Variants in MGAM2 observed in about 807,000 individuals in gnomAD.
MGAM2 encodes probable maltase-glucoamylase 2.
In MGAM2, 98 loss-of-function variants were observed where a neutral mutation model predicts 96.1. That is an observed-to-expected ratio of 1.02 (90% CI 0.87 to 1.21). The LOEUF (loss-of-function observed/expected upper bound fraction) is 1.21, where lower values mean the gene tolerates loss of function less well. Among genes scored for constraint, MGAM2 ranks in the 50% most tolerant of loss-of-function variants. The pLI, the probability that MGAM2 is intolerant of heterozygous loss-of-function variation, is 0.00. For synonymous variants in MGAM2, 749 were observed against 414.8 expected, an observed-to-expected ratio of 1.81 and a Z score of -9.79; for missense variants, 2,055 against 1,182.4, an observed-to-expected ratio of 1.74 and a Z score of -10.82.
In MGAM2 at chr7:142,138,652, A is replaced by G. The variant is rs1274740419; in HGVS notation, c.1071A>G (p.Leu357=). ...AAGAAGTTGTAAGCCGAAATCGTTT[A>G]GCTGAGATACCATATGTAAGTCGAA... ...KLKEVVSRNR[L]AEIPYDVQYS... The change falls in exon 10 of 48, where the codon TTA becomes TTG. Residue 357 remains leucine, a synonymous_variant. Transcript: ENST00000477922. 1.4e-6 allele frequency: 1 copy of G among 702,834 alleles called. No individual in the cohort carries two copies. The allele number at this position is 702,834 out of a possible 1,614,324, so 43.5% of individuals were successfully genotyped here.
chr7:142,119,373 A>C (rs61003910), intron 2 of MGAM2, among the ~76,000 whole-genome samples: 1 of 152,122 alleles, frequency 6.6e-6, no homozygotes, highest in East Asian at 1.9e-4. Context: ...ATAACATATC[A>C]CTTTCACACC....
chr7:142,199,777 ATTTCT>A (rs368874219), intron 44 of MGAM2, 98 bp from the exon 45 acceptor site: 8 of 502,602 alleles, frequency 1.6e-5, no homozygotes, highest in African/African-American at 3.9e-5. Flanking sequence ...TATTTAATAC[ATTTCT>A]TTTATTTCTA....
At chr7:142,112,352 C>G (rs1817202669) in intron 1 of MGAM2, among the ~76,000 whole-genome samples, 1 of 152,120 alleles carries the variant, frequency 6.6e-6, no homozygotes, top group Non-Finnish European at 1.5e-5. Flanking sequence ...GCTGAACCTG[C>G]TCCCTCAGGA....
chr7:142,130,828 T>C (rs1794861768), intron 3 of MGAM2, 120 bp from the exon 4 acceptor site: 1 of 590,884 alleles, frequency 1.7e-6, no homozygotes, highest in South Asian at 2.1e-5. Context: ...AATAAATTAA[T>C]GAATGTAATT....
intron 46 of MGAM2, among the ~76,000 whole-genome samples, chr7:142,212,028 G>A (rs183341947): frequency 4.6e-4 from 70 of 152,282 alleles, no homozygotes; most frequent in African/African-American, 1.6e-3. Flanking sequence ...GAGAATGGGG[G>A]CCAATATTCA....
chr7:142,140,182 GC>G (rs893013145), intron 10 of MGAM2, among the ~76,000 whole-genome samples: 5 of 152,120 alleles, frequency 3.3e-5, no homozygotes, highest in Admixed American at 6.5e-5. Flanking sequence ...GCCCTCATCA[GC>G]CCCCCTACCT....
intron 12 of MGAM2, among the ~76,000 whole-genome samples, chr7:142,143,112 G>T (rs144781521): frequency 3.3e-5 from 5 of 152,230 alleles, no homozygotes; most frequent in African/African-American, 1.2e-4. Context: ...GTGTAAAGTT[G>T]TTCCTAAATT....
intron 46 of MGAM2, among the ~76,000 whole-genome samples, chr7:142,215,013 G>T (rs564919348): frequency 6.6e-6 from 1 of 152,192 alleles, no homozygotes; most frequent in Non-Finnish European, 1.5e-5. Flanking sequence ...TCTGTTTACT[G>T]CAGCACTGTT....
intron 37 of MGAM2, among the ~76,000 whole-genome samples, chr7:142,191,505 CATTT>C (rs1796866909): frequency 6.6e-6 from 1 of 152,044 alleles, no homozygotes; most frequent in East Asian, 1.9e-4. Flanking sequence ...TTCTTTCCTT[CATTT>C]TATTATCTTG....
chr7:142,139,410 A>G (rs559513212), intron 10 of MGAM2, among the ~76,000 whole-genome samples: 1 of 152,310 alleles, frequency 6.6e-6, no homozygotes, highest in Non-Finnish European at 1.5e-5. Flanking sequence ...CTGTAATCTC[A>G]GCACTTTGGG....
intron 30 of MGAM2, 145 bp from the exon 31 acceptor site, chr7:142,173,084 C>G: frequency 1.8e-6 from 1 of 562,624 alleles, no homozygotes; most frequent in Non-Finnish European, 3.2e-6. Context: ...TGTAGTTGCT[C>G]CACATTTGTT....
rs1464461276 is a variant in MGAM2, at chr7:142,157,980, A to G, written c.1967A>G (p.Lys656Arg). The change falls in exon 18 of 48, where the codon AAA becomes AGA. Residue 656 changes from lysine to arginine, a missense_variant. Transcript: ENST00000477922. ...AAFGVDSLLL[K>R]SSRHYLNIRY... is the part of the protein sequence containing the mutation. ...TTTGGTGTTGATTCCCTGCTGCTGA[A>G]ATCCTCCAGACATTATCTGAACATC... 1 of 702,800 alleles carries G rather than the reference A, an allele frequency of 1.4e-6. No homozygotes were observed. The highest frequency in any genetic ancestry group is 2.6e-6 in the Non-Finnish European group (1 of 384,974). 43.5% of individuals were successfully genotyped at this position (702,800 alleles called of 1,614,324 possible).
At chr7:142,173,423 G>A (rs1402849974) in intron 31 of MGAM2, 69 bp downstream of exon 31, 1 of 680,626 alleles carries the variant, frequency 1.5e-6, no homozygotes, top group Non-Finnish European at 2.7e-6. Flanking sequence ...TATATTAGAA[G>A]TGCTATGATG....
intron 37 of MGAM2, among the ~76,000 whole-genome samples, chr7:142,190,438 AT>A (rs374240617): frequency 1.3e-5 from 2 of 151,432 alleles, no homozygotes; most frequent in South Asian, 4.2e-4. Flanking sequence ...TGCCTGGCTA[AT>A]TTTTTTGTAT....
chr7:142,137,704 T>C (rs1044974141), intron 9 of MGAM2, among the ~76,000 whole-genome samples, 159 bp downstream of exon 9: 10 of 152,160 alleles, frequency 6.6e-5, no homozygotes, highest in African/African-American at 2.4e-4. Flanking sequence ...TTGATGACCT[T>C]TATTGGGTGC....
chr7:142,150,075 A>G (rs28503717), intron 15 of MGAM2, among the ~76,000 whole-genome samples: 127,948 of 151,900 alleles, frequency 0.84, 53,998 homozygotes, highest in Non-Finnish European at 0.88. Flanking sequence ...CTGAGTAGCT[A>G]GGATTACAGG....
At chr7:142,201,628 C>T (rs1797237564) in intron 45 of MGAM2, among the ~76,000 whole-genome samples, 1 of 152,146 alleles carries the variant, frequency 6.6e-6, no homozygotes, top group Non-Finnish European at 1.5e-5. Context: ...CGGATTCATC[C>T]AACTGTGGTT....
rs1386025522 is a variant in MGAM2, at chr7:142,198,750, G to A, written c.5048+11G>A. The A allele has an allele frequency of 1.3e-5, 9 of 702,652 alleles. No individual in the cohort carries two copies. The highest frequency in any genetic ancestry group is 2.7e-5 in the East Asian group (1 of 37,284). The allele number at this position is 702,652 out of a possible 1,614,324, so 43.5% of individuals were successfully genotyped here. ...GAACACTCACTCCAGGTGAGGAGAA[G>A]AGGCAATGTCTAACAGCCTCTTGCT... On this transcript the variant is annotated intron_variant, in intron 44 of 47. Coordinates refer to ENST00000477922, the MANE Select transcript of MGAM2 (RefSeq NM_001293626.2).
chr7:142,179,011 A>G (rs536633701), intron 32 of MGAM2, among the ~76,000 whole-genome samples: 2 of 152,052 alleles, frequency 1.3e-5, no homozygotes, highest in African/African-American at 2.4e-5. Context: ...TAGGTATTCT[A>G]TCCTTTCTGT....
Sources: allele counts gnomAD v4.1 joint callset (sites outside exome capture counted in the v4.1 genomes callset), GRCh38; gene constraint gnomAD v4.1.1; transcripts MANE v1.5; gene names NCBI Gene and HGNC (gene_info 2026-07-23, HGNC 2026-07-21).